Variants in DYNLT5 observed in about 807,000 individuals in gnomAD.
DYNLT5 encodes dynein light chain Tctex-type 5.
A neutral mutation model predicts 19.3 loss-of-function variants in DYNLT5; 25 were observed. The observed-to-expected ratio is 1.30, with a 90% CI of 0.95 to 1.81. DYNLT5 has a LOEUF of 1.81. DYNLT5 is among the 40% of genes most tolerant of loss of function. The pLI, the probability that DYNLT5 is intolerant of heterozygous loss-of-function variation, is 0.00. For synonymous variants in DYNLT5, 82 were observed against 68.9 expected (o/e 1.19, Z -0.94); for missense variants, 232 against 217.9 (o/e 1.06, Z -0.41).
chr1:66,770,813 T>A, intron 3 of DYNLT5: 2 of 324,190 alleles, frequency 6.2e-6, no homozygotes, highest in Non-Finnish European at 1.2e-5. Flanking sequence ...TGATATTTTA[T>A]CCAACAAAAC....
Position 66,777,859 on chromosome 1 carries a change from A to G in DYNLT5, c.*405A>G, listed in dbSNP as rs1045920999. On this transcript the variant is annotated 3_prime_UTR_variant, in exon 5 of 5. Coordinates refer to ENST00000282670, the MANE Select transcript of DYNLT5 (RefSeq NM_152665.3). ...ATGATAGTAGAATATTCAACATGGTATACACAAATGATAAATAATGTGCCT... is the reference window on the plus strand; with the variant it reads ...ATGATAGTAGAATATTCAACATGGTGTACACAAATGATAAATAATGTGCCT... The G allele has an allele frequency of 6.3e-6, 1 of 157,618 alleles. No individual in the cohort carries two copies. The highest frequency in any genetic ancestry group is 1.4e-5 in the Non-Finnish European group (1 of 71,170). The allele number at this position is 157,618 out of a possible 1,614,324, so 9.8% of individuals were successfully genotyped here. A position where few individuals can be genotyped will look rare whatever the true frequency, so the allele number is the denominator to read the frequency against.
At chr1:66,759,150 A>T (rs1421542362) in intron 2 of DYNLT5, among the ~76,000 whole-genome samples, 1 of 152,198 alleles carries the variant, frequency 6.6e-6, no homozygotes, top group Non-Finnish European at 1.5e-5. Context: ...AACAGACAAG[A>T]TATTTTTATC....
chr1:66,776,548 TGTGTGTGTGTGG>T (rs918631144), intron 4 of DYNLT5, 145 bp downstream of exon 4: 8 of 679,756 alleles, frequency 1.2e-5, no homozygotes, highest in Non-Finnish European at 1.7e-5. Flanking sequence ...TCTACATATA[TGTGTGTGTGTGG>T]GTGTGTGTGT....
At chr1:66,759,764 C>G (rs866711367) in intron 2 of DYNLT5, among the ~76,000 whole-genome samples, 6 of 152,190 alleles carry the variant, frequency 3.9e-5, no homozygotes, top group African/African-American at 1.4e-4. Flanking sequence ...AACCTGATAT[C>G]GCCATTTGGC....
chr1:66,771,740 G>A (rs1163986115), intron 3 of DYNLT5, among the ~76,000 whole-genome samples: 2 of 152,190 alleles, frequency 1.3e-5, no homozygotes, highest in African/African-American at 2.4e-5. Context: ...CTTAGCCATG[G>A]GGTGTCTATG....
chr1:66,765,223 C>T (rs919985095), intron 2 of DYNLT5, among the ~76,000 whole-genome samples: 2 of 152,146 alleles, frequency 1.3e-5, no homozygotes, highest in African/African-American at 2.4e-5. Context: ...TATCTCCCCT[C>T]CGAAGAAGAC....
chr1:66,767,092 A>G (rs1645161876), intron 2 of DYNLT5, among the ~76,000 whole-genome samples: 2 of 152,102 alleles, frequency 1.3e-5, no homozygotes, highest in Non-Finnish European at 2.9e-5. Flanking sequence ...CCGTGACACA[A>G]GTTCACCTAT....
In DYNLT5 at chr1:66,760,954, T is replaced by C. The variant is rs149579738; in HGVS notation, c.119+6177T>C. The stretch of plus-strand genomic sequence containing the variant: ...CTTCAATTACTCCAGAGCTGCGCTT[T>C]TCACAGGTTGCATGGTTCATTCTTT... On this transcript the variant is annotated intron_variant, in intron 2 of 4. Coordinates refer to ENST00000282670, the MANE Select transcript of DYNLT5 (RefSeq NM_152665.3). 2.0e-5 allele frequency among the ~76,000 whole-genome samples: 3 copies of C among 152,362 alleles called. No individual in the cohort carries two copies. The East Asian group carries it at 5.8e-4, about 29-fold the overall frequency.
In DYNLT5 at chr1:66,777,517, C is replaced by A; in HGVS notation, c.*63C>A. 6.9e-7 allele frequency: 1 copy of A among 1,443,420 alleles called. No homozygotes were observed. The highest frequency in any genetic ancestry group is 9.4e-7 in the Non-Finnish European group (1 of 1,066,258). 89.4% of individuals were successfully genotyped at this position (1,443,420 alleles called of 1,614,324 possible). A position where few individuals can be genotyped will look rare whatever the true frequency, so the allele number is the denominator to read the frequency against. ...CTGAGGCAGGCTGTATGTCTGTACA[C>A]AAAAGTTTTACTGCCAAAAACTTTG... On this transcript the variant is annotated 3_prime_UTR_variant, in exon 5 of 5. Coordinates refer to ENST00000282670, the MANE Select transcript of DYNLT5 (RefSeq NM_152665.3).
chr1:66,777,704 T>A lies in DYNLT5; in HGVS notation c.*250T>A. 6.2e-6 allele frequency: 2 copies of A among 322,012 alleles called. No individual in the cohort carries two copies. The highest frequency in any genetic ancestry group is 1.1e-5 in the Non-Finnish European group (2 of 176,112). The allele number at this position is 322,012 out of a possible 1,614,324, so 19.9% of individuals were successfully genotyped here. ...CTGGATTGCTTTCCATAGACATAGA[T>A]TCTTATTAAATATTTGTTTTGGTAC... On this transcript the variant is annotated 3_prime_UTR_variant, in exon 5 of 5. Transcript: ENST00000282670.
At chr1:66,753,168 G>A (rs573055261) in intron 1 of DYNLT5, among the ~76,000 whole-genome samples, 6 of 152,104 alleles carry the variant, frequency 3.9e-5, no homozygotes, top group Admixed American at 2.6e-4. Context: ...CACACACCAC[G>A]CTGCCTGCCT....
At chr1:66,761,090 C>G (rs1376205525) in intron 2 of DYNLT5, among the ~76,000 whole-genome samples, 1 of 152,144 alleles carries the variant, frequency 6.6e-6, no homozygotes, top group Admixed American at 6.5e-5. Context: ...CCATTATAGC[C>G]TTTCTCTTAC....
intron 2 of DYNLT5, among the ~76,000 whole-genome samples, chr1:66,760,137 C>A (rs1379507436): frequency 6.6e-6 from 1 of 152,178 alleles, no homozygotes; most frequent in Non-Finnish European, 1.5e-5. Flanking sequence ...CACTTCCAAA[C>A]TCCCTTAACC....
At chr1:66,776,171 C>T in intron 3 of DYNLT5, 108 bp from the exon 4 acceptor site, 1 of 1,407,990 alleles carries the variant, frequency 7.1e-7, no homozygotes, top group Non-Finnish European at 9.5e-7. Flanking sequence ...AGAGTCCACC[C>T]AGAAGATTAA....
At position 66,773,597 on chromosome 1, in the gene DYNLT5, T is replaced by A. The variant is rs527254392; in HGVS notation, c.212-2682T>A. On this transcript the variant is annotated intron_variant, in intron 3 of 4. Coordinates refer to ENST00000282670, the MANE Select transcript of DYNLT5 (RefSeq NM_152665.3). ...CACATATCTAAGGAGTGTTTTATTG[T>A]GTGACAAGCACTGTTCTAAACATAT... 3.3e-4 allele frequency among the ~76,000 whole-genome samples: 50 copies of A among 152,314 alleles called. 1 individual carries two copies. The highest frequency in any genetic ancestry group is 7.2e-4 in the Admixed American group (11 of 15,292).
At chr1:66,776,191 T>C in intron 3 of DYNLT5, 88 bp from the exon 4 acceptor site, 1 of 1,487,728 alleles carries the variant, frequency 6.7e-7, no homozygotes, top group Non-Finnish European at 9.0e-7. Flanking sequence ...AATCCCTCCA[T>C]GTTTCCATAC....
chr1:66,758,981 C>G (rs748730601), intron 2 of DYNLT5, among the ~76,000 whole-genome samples: 1 of 151,992 alleles, frequency 6.6e-6, no homozygotes, highest in Non-Finnish European at 1.5e-5. Context: ...ACTAAAGCCC[C>G]CAACAAGACC....
At chr1:66,759,696 A>C (rs190290403) in intron 2 of DYNLT5, among the ~76,000 whole-genome samples, 1 of 152,362 alleles carries the variant, frequency 6.6e-6, no homozygotes, top group African/African-American at 2.4e-5. Context: ...ACCCATCCAA[A>C]TGGCAAAACA....
At chr1:66,762,954 A>G (rs181950032) in intron 2 of DYNLT5, among the ~76,000 whole-genome samples, 11 of 152,346 alleles carry the variant, frequency 7.2e-5, no homozygotes, top group African/African-American at 2.6e-4. Flanking sequence ...TTTTGTATGC[A>G]TGTATCAAAA....
Sources: allele counts gnomAD v4.1 joint callset (sites outside exome capture counted in the v4.1 genomes callset), GRCh38; gene constraint gnomAD v4.1.1; transcripts MANE v1.5; gene names NCBI Gene and HGNC (gene_info 2026-07-23, HGNC 2026-07-21).